ATM: variants seen among roughly 807,000 people sequenced by gnomAD.
ATM encodes serine-protein kinase ATM.
ATM carries 308 observed loss-of-function variants against 387.0 expected under a neutral mutation model. The ratio of observed to expected loss-of-function variants is 0.80; its 90% CI spans 0.73 to 0.87. The LOEUF is 0.87. Among genes scored for constraint, ATM ranks in the 40% least tolerant of loss-of-function variants. The probability of loss-of-function intolerance (pLI) is 0.00; values close to 1 mark genes in which losing one functional copy is unlikely to be tolerated. For missense variants in ATM, 3,312 were observed against 3,560.9 expected (o/e 0.93, Z 1.78); for synonymous variants, 1,156 against 1,187.3 (o/e 0.97, Z 0.54).
At chr11:108,303,867 T>G (rs1310342349) in intron 36 of ATM, among the ~76,000 whole-genome samples, 1 of 152,186 alleles carries the variant, frequency 6.6e-6, no homozygotes, top group African/African-American at 2.4e-5. Context: ...AAATAAAATG[T>G]TCCAAATATA....
rs76290788 is a variant in ATM at position 108,297,400 on chromosome 11, G to A, written c.5005+18G>A. On this transcript the variant is annotated intron_variant, in intron 33 of 62. Transcript: ENST00000675843. ...AGTTCTAGGTAAACTACAGTCATGCGCTGCGTGACATTTCAGTCAACTGCG... is the reference window on the plus strand; with the variant it reads ...AGTTCTAGGTAAACTACAGTCATGCACTGCGTGACATTTCAGTCAACTGCG... The A allele has an allele frequency of 6.9e-4, 1,078 of 1,561,330 alleles. 10 individuals carry two copies. The African/African-American group carries it at 0.013, about 19-fold the overall frequency.
rs609261 is a variant in ATM, at chr11:108,287,407, T to C, written c.3994-193T>C. 0.54 allele frequency: 209,503 copies of C among 386,940 alleles called. 58,784 individuals are homozygous for C. The highest frequency in any genetic ancestry group is 0.73 in the Middle Eastern group (985 of 1,358). The allele number at this position is 386,940 out of a possible 1,614,324, so 24.0% of individuals were successfully genotyped here. Reference sequence around the variant, plus strand: ...GGCTGATTTTCATACTTTTTCCTCTTAGTCTACAGGTTGGCTGCATAGAAG... The same window carrying C: ...GGCTGATTTTCATACTTTTTCCTCTCAGTCTACAGGTTGGCTGCATAGAAG... On this transcript the variant is annotated intron_variant, in intron 26 of 62. Coordinates refer to ENST00000675843, the MANE Select transcript of ATM (RefSeq NM_000051.4).
intron 36 of ATM, among the ~76,000 whole-genome samples, chr11:108,304,473 A>G (rs771396505): frequency 5.3e-5 from 8 of 152,204 alleles, no homozygotes; most frequent in Non-Finnish European, 7.4e-5. Context: ...ATATTGATAT[A>G]CTAGCCTAGT....
chr11:108,244,917 T>C lies in ATM; in HGVS notation c.792T>C (p.Tyr264=), dbSNP rs2135241101. 1 of 1,613,722 alleles carries C rather than the reference T, an allele frequency of 6.2e-7. No individual in the cohort carries two copies. Reference sequence around the variant, plus strand: ...ATGAAATTCTTCCCACTTTGCTTTATATTTGGACTCAACATAGGCTTAATG... The same window carrying C: ...ATGAAATTCTTCCCACTTTGCTTTACATTTGGACTCAACATAGGCTTAATG... ...LGDEILPTLL[Y]IWTQHRLNDS... is the part of the protein sequence containing the mutation. Residue 264 remains tyrosine (Y), a synonymous_variant, in exon 7 of 63, where the codon TAT becomes TAC. Transcript: ENST00000675843.
rs528884558 is a variant in ATM, at chr11:108,318,362, T to TAAAAAAATAAATAAAATA, written c.6347+852_6347+869dup. 2.7e-3 allele frequency among the ~76,000 whole-genome samples: 400 copies of TAAAAAAATAAATAAAATA among 146,268 alleles called. 3 individuals carry two copies. The highest frequency in any genetic ancestry group is 8.9e-3 in the African/African-American group (351 of 39,416). On this transcript the variant is annotated intron_variant, in intron 43 of 62. Coordinates refer to ENST00000675843, the MANE Select transcript of ATM (RefSeq NM_000051.4). ...GGACAACAGAGCGAGACTCTGTCTCTAAAAAAATAAATAAAATAAAAAAAA... is the reference window on the plus strand; with the variant it reads ...GGACAACAGAGCGAGACTCTGTCTCTAAAAAAATAAATAAAATAAAAAAAATAAATAAAATAAAAAAAA...
chr11:108,307,814 G>A (rs1024076449), intron 37 of ATM, 83 bp from the exon 38 acceptor site: 7 of 1,257,876 alleles, frequency 5.6e-6, no homozygotes, highest in Admixed American at 3.7e-5. Flanking sequence ...ATAGCATAGT[G>A]GGAGACAGAC....
intron 22 of ATM, among the ~76,000 whole-genome samples, chr11:108,277,874 C>T (rs187700316): frequency 4.6e-5 from 7 of 152,226 alleles, no homozygotes; most frequent in South Asian, 2.1e-4. Context: ...TTTATGATAA[C>T]GTGAAACATA....
At chr11:108,280,962 T>C (rs778348672) in intron 23 of ATM, 33 bp from the exon 24 acceptor site, 3 of 1,548,880 alleles carry the variant, frequency 1.9e-6, no homozygotes, top group Non-Finnish European at 2.6e-6. Flanking sequence ...ATTTACATTT[T>C]ACATTACATT....
At chr11:108,300,301 A>G (rs925884626) in intron 34 of ATM, among the ~76,000 whole-genome samples, 1 of 152,102 alleles carries the variant, frequency 6.6e-6, no homozygotes, top group Non-Finnish European at 1.5e-5. Context: ...GTTGTTTTAT[A>G]ATCCTAGAAG....
chr11:108,247,037 T>C lies in ATM; in HGVS notation c.975T>C (p.His325=), dbSNP rs746825207. Reference sequence around the variant, plus strand: ...ATCTGCTAGTGAATGAGATAAGTCATATAGGAAGTAGAGGAAAGTATTCTT... The same window carrying C: ...ATCTGCTAGTGAATGAGATAAGTCACATAGGAAGTAGAGGAAAGTATTCTT... ...LYDLLVNEIS[H]IGSRGKYSSG... Residue 325 remains histidine (H), a synonymous_variant, in exon 8 of 63, where the codon CAT becomes CAC. Coordinates refer to ENST00000675843, the MANE Select transcript of ATM (RefSeq NM_000051.4). The C allele has an allele frequency of 2.5e-6, 4 of 1,613,610 alleles. No homozygotes were observed. Among genetic ancestry groups the C allele is most frequent in the East Asian group, 2.2e-5 (1 of 44,808 alleles).
chr11:108,322,210 C>T (rs757496344), intron 45 of ATM, among the ~76,000 whole-genome samples: 13 of 151,868 alleles, frequency 8.6e-5, no homozygotes, highest in Non-Finnish European at 1.5e-4. Flanking sequence ...GCTGGAGTGT[C>T]ATGGTATAAT....
At chr11:108,329,955 A>G (rs977128657) in intron 49 of ATM, among the ~76,000 whole-genome samples, 1 of 152,200 alleles carries the variant, frequency 6.6e-6, no homozygotes, top group Non-Finnish European at 1.5e-5. Context: ...TTGAATCTGT[A>G]TATTTTAGTG....
At chr11:108,347,506 A>G (rs965018949) in intron 59 of ATM, 141 bp downstream of exon 59, 25 of 702,926 alleles carry the variant, frequency 3.6e-5, no homozygotes, top group African/African-American at 2.9e-4. Flanking sequence ...TTTTCAGCAT[A>G]AACAGTTGTC....
At chr11:108,239,497 A>G (rs148893660) in intron 5 of ATM, among the ~76,000 whole-genome samples, 11 of 152,286 alleles carry the variant, frequency 7.2e-5, no homozygotes, top group Non-Finnish European at 1.3e-4. Flanking sequence ...TAAAAACTGA[A>G]CACTATTCTG....
At chr11:108,260,074 G>C (rs145703261) in intron 16 of ATM, among the ~76,000 whole-genome samples, 1,436 of 108,234 alleles carry the variant, frequency 0.013, 34 homozygotes, top group African/African-American at 0.048. Context: ...TTGCTCTGTT[G>C]CCCGGGCTGG....
At chr11:108,265,193 G>A (rs1401431494) in intron 16 of ATM, among the ~76,000 whole-genome samples, 2 of 151,712 alleles carry the variant, frequency 1.3e-5, no homozygotes, top group Non-Finnish European at 2.9e-5. Context: ...TAAGCCAAAA[G>A]AACAAAGCTG....
At chr11:108,358,891 CGAA>C (rs980029219) in intron 61 of ATM, among the ~76,000 whole-genome samples, 3 of 151,480 alleles carry the variant, frequency 2.0e-5, no homozygotes, top group Non-Finnish European at 4.4e-5. Flanking sequence ...CATCAACTAA[CGAA>C]CAAAATCACC....
At chr11:108,321,513 T>C (rs1372739560) in intron 45 of ATM, 93 bp downstream of exon 45, 9 of 1,568,560 alleles carry the variant, frequency 5.7e-6, no homozygotes, top group African/African-American at 1.4e-5. Flanking sequence ...CCGGGCACGG[T>C]GGCTCATGCC....
At chr11:108,245,836 T>TA (rs1382056539) in intron 7 of ATM, among the ~76,000 whole-genome samples, 5 of 149,900 alleles carry the variant, frequency 3.3e-5, no homozygotes, top group Non-Finnish European at 7.4e-5. Context: ...TTTTTTTTTT[T>TA]TTTTTTGAGA....
Sources: allele counts gnomAD v4.1 joint callset (sites outside exome capture counted in the v4.1 genomes callset), GRCh38; gene constraint gnomAD v4.1.1; transcripts MANE v1.5; gene names NCBI Gene and HGNC (gene_info 2026-07-23, HGNC 2026-07-21).